Variants in TBC1D9 observed in about 807,000 individuals in gnomAD.
TBC1D9 encodes the protein TBC1 domain family member 9A.
Under a neutral mutation model 132.0 loss-of-function variants are expected in TBC1D9, and 63 were observed. The observed-to-expected ratio is 0.48, with a 90% CI of 0.39 to 0.59. The LOEUF (loss-of-function observed/expected upper bound fraction) is 0.59. Ranked by LOEUF, TBC1D9 falls within the 20% of genes least tolerant of loss-of-function variation. TBC1D9 has a pLI of 0.00. For missense variants in TBC1D9, 1,261 were observed against 1,592.7 expected (o/e 0.79, Z 3.54); for synonymous variants, 610 against 609.9 (o/e 1.00, Z 0.00).
chr4:140,713,719 C>A (rs1738284867), intron 1 of TBC1D9, among the ~76,000 whole-genome samples: 1 of 148,392 alleles, frequency 6.7e-6, no homozygotes, highest in African/African-American at 2.5e-5. Context: ...GCCTGGGAGA[C>A]AGAGTGAGAC....
chr4:140,640,890 CTA>C (rs200212032), intron 13 of TBC1D9, among the ~76,000 whole-genome samples: 3,983 of 142,082 alleles, frequency 0.028, 161 homozygotes, highest in African/African-American at 0.095. Flanking sequence ...TACATATATG[CTA>C]TATATATATA....
chr4:140,665,623 T>TA (rs1205136803), intron 9 of TBC1D9, among the ~76,000 whole-genome samples: 2 of 152,108 alleles, frequency 1.3e-5, no homozygotes, highest in Admixed American at 6.5e-5. Context: ...CAGGTGTCCA[T>TA]AAAAAAACCT....
At chr4:140,702,747 G>A (rs1273398237) in intron 1 of TBC1D9, among the ~76,000 whole-genome samples, 1 of 152,016 alleles carries the variant, frequency 6.6e-6, no homozygotes, top group East Asian at 1.9e-4. Flanking sequence ...ACACACATAC[G>A]TTCTCCAAGG....
At chr4:140,640,876 C>CATATATATATGTGTGT (rs148362485) in intron 13 of TBC1D9, among the ~76,000 whole-genome samples, 3 of 151,274 alleles carry the variant, frequency 2.0e-5, no homozygotes, top group African/African-American at 4.9e-5. Context: ...CCCCAAGAAG[C>CATATATATATGTGTGT]ATATACATAT....
chr4:140,714,342 C>A (rs1026333963), intron 1 of TBC1D9, among the ~76,000 whole-genome samples: 13 of 152,194 alleles, frequency 8.5e-5, no homozygotes. Context: ...CATAAGACAT[C>A]AATCAACACA....
At chr4:140,715,124 A>G (rs937151551) in intron 1 of TBC1D9, among the ~76,000 whole-genome samples, 1 of 152,212 alleles carries the variant, frequency 6.6e-6, no homozygotes, top group Admixed American at 6.5e-5. Flanking sequence ...ACCCTGTCTC[A>G]AAACAAACAA....
intron 15 of TBC1D9, among the ~76,000 whole-genome samples, chr4:140,637,331 C>T (rs1406015943): frequency 1.3e-5 from 2 of 150,494 alleles, no homozygotes; most frequent in African/African-American, 2.5e-5. Flanking sequence ...GCCTGGGTGA[C>T]AGAACGAGAC....
At chr4:140,742,362 T>C (rs1422204673) in intron 1 of TBC1D9, among the ~76,000 whole-genome samples, 1 of 151,416 alleles carries the variant, frequency 6.6e-6, no homozygotes, top group African/African-American at 2.4e-5. Flanking sequence ...TGAAACCCCG[T>C]CTCTACTAAA....
chr4:140,692,635 GTTATAA>G (rs1371810664), intron 2 of TBC1D9, among the ~76,000 whole-genome samples: 2 of 152,136 alleles, frequency 1.3e-5, no homozygotes, highest in Non-Finnish European at 2.9e-5. Flanking sequence ...TCTAACTAAA[GTTATAA>G]TTATAATCAG....
chr4:140,633,219 T>A (rs186772892), intron 16 of TBC1D9, among the ~76,000 whole-genome samples: 22 of 152,308 alleles, frequency 1.4e-4, no homozygotes, highest in East Asian at 5.8e-4. Context: ...ATTAGAATTT[T>A]AAAAAAATTG....
chr4:140,708,630 G>A (rs771835411), intron 1 of TBC1D9, among the ~76,000 whole-genome samples: 1 of 152,200 alleles, frequency 6.6e-6, no homozygotes, highest in African/African-American at 2.4e-5. Context: ...TGTGAAGAAT[G>A]CTGAAATGGC....
At chr4:140,681,648 T>C (rs907066454) in intron 3 of TBC1D9, among the ~76,000 whole-genome samples, 4 of 152,074 alleles carry the variant, frequency 2.6e-5, no homozygotes, top group Non-Finnish European at 5.9e-5. Context: ...GCTTCTCAAA[T>C]GGCATCCTGA....
At chr4:140,698,350 C>G (rs748446467) in intron 2 of TBC1D9, among the ~76,000 whole-genome samples, 1 of 152,152 alleles carries the variant, frequency 6.6e-6, no homozygotes, top group Non-Finnish European at 1.5e-5. Context: ...TGGGTTTTCC[C>G]GCAGCTCTAA....
At chr4:140,717,307 G>C (rs769856792) in intron 1 of TBC1D9, among the ~76,000 whole-genome samples, 42 of 152,264 alleles carry the variant, frequency 2.8e-4, no homozygotes, top group Middle Eastern at 6.8e-3. Context: ...GAGAGGGAGA[G>C]GGGAAAAGCC....
intron 1 of TBC1D9, among the ~76,000 whole-genome samples, chr4:140,725,818 T>G (rs972606768): frequency 1.2e-4 from 19 of 152,138 alleles, no homozygotes; most frequent in Non-Finnish European, 1.9e-4. Flanking sequence ...TTACATATTG[T>G]AATTTGCTTG....
At chr4:140,645,512 C>A in intron 13 of TBC1D9, 1 of 363,688 alleles carries the variant, frequency 2.7e-6, no homozygotes, top group Admixed American at 3.7e-5. Flanking sequence ...AAGCCACTAT[C>A]CTCTCTTGCG....
chr4:140,639,309 G>A, intron 14 of TBC1D9, 21 bp downstream of exon 14: 2 of 1,586,316 alleles, frequency 1.3e-6, no homozygotes, highest in Non-Finnish European at 1.7e-6. Context: ...GAGGTTGCCT[G>A]CTACTTCTTA....
At chr4:140,628,465 C>A (rs1004259678) in intron 16 of TBC1D9, 100 bp from the exon 17 acceptor site, 7 of 1,097,438 alleles carry the variant, frequency 6.4e-6, no homozygotes, top group Admixed American at 1.9e-5. Context: ...ACATTCCAAC[C>A]AAGACATTGT....
At chr4:140,660,342 G>C (rs888951984) in intron 10 of TBC1D9, among the ~76,000 whole-genome samples, 1 of 152,182 alleles carries the variant, frequency 6.6e-6, no homozygotes, top group African/African-American at 2.4e-5. Context: ...TAATTAAAAA[G>C]AGGAAGATCA....
Sources: gnomAD v4.1 joint callset for allele counts (sites outside exome capture counted in the v4.1 genomes callset) on GRCh38, gnomAD v4.1.1 for gene constraint, MANE v1.5 for transcripts, NCBI Gene and HGNC (gene_info 2026-07-23, HGNC 2026-07-21) for gene names.